Variants in OBSL1 observed in about 807,000 individuals in gnomAD.
OBSL1 encodes the protein obscurin-like protein 1.
Under a neutral mutation model 172.0 loss-of-function variants are expected in OBSL1, and 160 were observed. The ratio of observed to expected loss-of-function variants is 0.93; its 90% CI spans 0.82 to 1.06. OBSL1 has a LOEUF of 1.06. Ranked by LOEUF, OBSL1 falls within the 50% of genes least tolerant of loss-of-function variation. The probability of loss-of-function intolerance (pLI) is 0.00; values close to 1 mark genes in which losing one functional copy is unlikely to be tolerated. For synonymous variants in OBSL1, 1,200 were observed against 1,196.3 expected (o/e 1.00, Z -0.06); for missense variants, 2,681 against 2,715.4 (o/e 0.99, Z 0.28).
chr2:219,571,166 C>A lies in OBSL1; in HGVS notation c.67G>T (p.Val23Leu). Residue 23 changes from valine to leucine, a missense_variant, in exon 1 of 21, where the codon GTG becomes TTG. This residue lies in a region of OBSL1 where 90 missense variants were observed against 76.6 expected (regional missense o/e 1.18). Transcript: ENST00000404537. ...CFLRFPRPVR[V>L]VSGAEAELKC... ...AGCTCGGCCTCGGCGCCACTTACCA[C>A]CCGCACAGGCCGCGGGAAGCGCAGG... 6.7e-7 allele frequency: 1 copy of A among 1,484,638 alleles called. No individual in the cohort carries two copies. 92.0% of individuals were successfully genotyped at this position (1,484,638 alleles called of 1,614,324 possible).
intron 5 of OBSL1, 126 bp downstream of exon 5, chr2:219,566,704 C>T: frequency 9.2e-7 from 1 of 1,086,128 alleles, no homozygotes; most frequent in Non-Finnish European, 1.3e-6. Flanking sequence ...AACCTCAGCC[C>T]ATCATGGATG....
intron 8 of OBSL1, chr2:219,562,134 C>T (rs908630462): frequency 1.0e-5 from 7 of 671,338 alleles, no homozygotes; most frequent in Admixed American, 2.1e-5. Context: ...ACCGTATTTG[C>T]ATTACTCACC....
chr2:219,548,102 G>C, downstream of OBSL1: 1 of 1,505,918 alleles, frequency 6.6e-7, no homozygotes. Context: ...ACAGGCCAAG[G>C]TGGACATGAG....
In OBSL1 at chr2:219,565,455, C is replaced by T. The variant is rs1696813260; in HGVS notation, c.2194G>A (p.Glu732Lys). The change falls in exon 6 of 21, where the codon GAG becomes AAG. Residue 732 changes from glutamate to lysine, a missense_variant. Coordinates refer to ENST00000404537, the MANE Select transcript of OBSL1 (RefSeq NM_015311.3). ...DRVSLTFTTS[E>K]RVVLTCELSR... Reference sequence around the variant, plus strand: ...AGCTCACAAGTCAGCACCACCCGCTCTGAGGTTGTGAAGGTCAACGACACC... The same window carrying T: ...AGCTCACAAGTCAGCACCACCCGCTTTGAGGTTGTGAAGGTCAACGACACC... 2 of 1,613,364 alleles carry T rather than the reference C, an allele frequency of 1.2e-6. No individual in the cohort carries two copies. Among genetic ancestry groups the T allele is most frequent in the Middle Eastern group, 1.6e-4 (1 of 6,062 alleles).
chr2:219,558,570 G>A, intron 9 of OBSL1, 111 bp from the exon 10 acceptor site: 1 of 1,247,782 alleles, frequency 8.0e-7, no homozygotes, highest in Non-Finnish European at 1.1e-6. Flanking sequence ...TGAGAACAGT[G>A]CCAGCTGCAG....
intron 15 of OBSL1, 146 bp downstream of exon 15, chr2:219,554,328 A>C: frequency 2.0e-6 from 2 of 1,002,336 alleles, no homozygotes; most frequent in Non-Finnish European, 3.0e-6. Flanking sequence ...AGTCAGGGGG[A>C]TCACACTCTG....
rs956219895 is a variant in OBSL1, at chr2:219,562,646, G to A, written c.2709C>T (p.Ser903=). 34 of 1,567,186 alleles carry A rather than the reference G, an allele frequency of 2.2e-5. No homozygotes were observed. The East Asian group carries it at 6.2e-4, about 29-fold the overall frequency. Residue 903 remains serine, a synonymous_variant, in exon 8 of 21, where the codon AGC becomes AGT. Transcript: ENST00000404537. The stretch of plus-strand genomic sequence containing the variant: ...GCACGGCTGCCACATACACCTTGCC[G>A]CTGGGATACACGATCCACGAGGAGA... The part of the protein sequence containing the change: ...TDVSSWIVYP[S]GKVYVAAVRL...
Position 219,556,113 on chromosome 2 carries a change from G to A in OBSL1, c.4516C>T (p.Arg1506Cys), listed in dbSNP as rs1242548780. The A allele has an allele frequency of 8.1e-6, 13 of 1,613,914 alleles. No individual in the cohort carries two copies. In the Middle Eastern group the frequency reaches 4.9e-4, roughly 61 times the overall value. ...AGTATGACACCATGGATGAAGAGGCGGTGGATGTGCCCATCCTGGGCCATG... is the reference window on the plus strand; with the variant it reads ...AGTATGACACCATGGATGAAGAGGCAGTGGATGTGCCCATCCTGGGCCATG... ...LSMAQDGHIH[R>C]LFIHGVILAD... The change falls in exon 14 of 21, where the codon CGC (arginine) becomes TGC (cysteine). Residue 1506 changes from arginine (R) to cysteine (C), a missense_variant. Coordinates refer to ENST00000404537, the MANE Select transcript of OBSL1 (RefSeq NM_015311.3).
Position 219,551,740 on chromosome 2 carries a change from G to A in OBSL1, c.5472C>T (p.Arg1824=), listed in dbSNP as rs1423770338. 1.2e-6 allele frequency: 2 copies of A among 1,601,958 alleles called. No individual in the cohort carries two copies. Among genetic ancestry groups the A allele is most frequent in the Non-Finnish European group, 1.7e-6 (2 of 1,172,896 alleles). The change falls in exon 20 of 21, where the codon CGC becomes CGT. Residue 1824 remains arginine (R), a synonymous_variant. Coordinates refer to ENST00000404537, the MANE Select transcript of OBSL1 (RefSeq NM_015311.3). Reference sequence around the variant, plus strand: ...ACACAGTCACCTCCAGCACCGCCCGGCGGCCCACCAGAACGGTCTTCTCGC... The same window carrying A: ...ACACAGTCACCTCCAGCACCGCCCGACGGCCCACCAGAACGGTCTTCTCGC... ...PPREKTVLVG[R]RAVLEVTVSR...
rs1189758749 is a variant in OBSL1, at chr2:219,552,907, C to T, written c.5107G>A (p.Gly1703Arg). 11 of 1,540,382 alleles carry T rather than the reference C, an allele frequency of 7.1e-6. No homozygotes were observed. The highest frequency in any genetic ancestry group is 1.2e-5 in the South Asian group (1 of 83,796). Residue 1703 changes from glycine to arginine, a missense_variant, in exon 17 of 21, where the codon GGG becomes AGG. By Grantham distance (125) the Gly-to-Arg change is moderately radical. Coordinates refer to ENST00000404537, the MANE Select transcript of OBSL1 (RefSeq NM_015311.3). Reference protein sequence around the residue: ...SDAGTYSCAVGTARAGPVRLT... With the variant: ...SDAGTYSCAVRTARAGPVRLT... ...CGGACCGGTCCGGCGCGGGCCGTCC[C>T]CACCGCGCAGCTGTAGGTCCCGGCG... is the stretch of plus-strand genomic sequence containing the variant.
chr2:219,554,298 G>T, intron 15 of OBSL1, 176 bp downstream of exon 15: 1 of 759,340 alleles, frequency 1.3e-6, no homozygotes. Flanking sequence ...AGAGGACTCT[G>T]GGGCCACACA....
At chr2:219,549,236 G>A, downstream of OBSL1, 1 of 1,613,990 alleles carries the variant, frequency 6.2e-7, no homozygotes, top group East Asian at 2.2e-5. Flanking sequence ...CGGAAAAAGA[G>A]ACCTCCTCGG....
Position 219,557,414 on chromosome 2 carries a change from C to T in OBSL1, c.3995G>A (p.Arg1332Gln), listed in dbSNP as rs1402861976. The stretch of plus-strand genomic sequence containing the variant: ...CAGGTACTCCCCAGCGTCCCCGCTC[C>T]GTGCCCCCTGCACCCGCAGCACCTG... Reference protein sequence around the residue: ...ARQVLRVQGARSGDAGEYLCD... With the variant: ...ARQVLRVQGAQSGDAGEYLCD... The change falls in exon 12 of 21, where the codon CGG becomes CAG. Residue 1332 changes from arginine to glutamine, a missense_variant. Physicochemically the swap from Arg to Gln is conservative, Grantham distance 43. Transcript: ENST00000404537. The T allele has an allele frequency of 2.0e-5, 31 of 1,548,266 alleles. No homozygotes were observed. The highest frequency in any genetic ancestry group is 4.9e-5 in the East Asian group (2 of 40,960).
At chr2:219,550,127 ATG>A (rs925369751), downstream of OBSL1, 58 of 407,876 alleles carry the variant, frequency 1.4e-4, no homozygotes, top group Non-Finnish European at 2.3e-4. Flanking sequence ...GTCTGTGTGT[ATG>A]TGTGTGGGGG....
chr2:219,552,767 C>T, intron 17 of OBSL1, 70 bp from the exon 18 acceptor site: 1 of 1,514,958 alleles, frequency 6.6e-7, no homozygotes, highest in Non-Finnish European at 8.9e-7. Flanking sequence ...CCTCCACGCC[C>T]CCTTTCTAGA....
In OBSL1 at chr2:219,551,691, A is replaced by G; in HGVS notation, c.5521T>C (p.Trp1841Arg). The change falls in exon 20 of 21, where the codon TGG becomes CGG. Residue 1841 changes from tryptophan (W) to arginine (R), a missense_variant. Transcript: ENST00000404537. ...CACAGCTCGGCCCCCTCCCGCAGCC[A>G]GCACACGTGGCCCCCCGAGCGGGAC... Reference protein sequence around the residue: ...TVSRSGGHVCWLREGAELCPG... With the variant: ...TVSRSGGHVCRLREGAELCPG... 2 of 1,611,300 alleles carry G rather than the reference A, an allele frequency of 1.2e-6. No individual in the cohort carries two copies. Among genetic ancestry groups the G allele is most frequent in the Non-Finnish European group, 1.7e-6 (2 of 1,179,318 alleles).
intron 15 of OBSL1, chr2:219,554,259 C>CCTT (rs1215008523): frequency 3.3e-6 from 2 of 613,762 alleles, no homozygotes; most frequent in Non-Finnish European, 5.7e-6. Flanking sequence ...GTTGGCTGAG[C>CCTT]CTTGGGCAGT....
At chr2:219,552,384 C>CT in intron 18 of OBSL1, 152 bp downstream of exon 18, 1 of 837,780 alleles carries the variant, frequency 1.2e-6, no homozygotes, top group Non-Finnish European at 1.8e-6. Flanking sequence ...GGACTAGGGG[C>CT]TGGGGGCGGG....
In OBSL1 at chr2:219,567,749, G is replaced by A; in HGVS notation, c.1503C>T (p.Asn501=). The change falls in exon 3 of 21, where the codon AAC becomes AAT. Residue 501 remains asparagine (N), a synonymous_variant. Coordinates refer to ENST00000404537, the MANE Select transcript of OBSL1 (RefSeq NM_015311.3). ...DAGEVTFSLG[N]SRTTTLLRVK... is the part of the protein sequence containing the mutation. ...CTCTGAGAAGCGTAGTGGTACGGGA[G>A]TTGCCCAGGCTAAAGGTGACCTCGC... 3 of 1,613,326 alleles carry A rather than the reference G, an allele frequency of 1.9e-6. No homozygotes were observed. The highest frequency in any genetic ancestry group is 2.5e-6 in the Non-Finnish European group (3 of 1,179,346).
Sources: gnomAD v4.1 joint callset for allele counts on GRCh38, gnomAD v4.1.1 for gene constraint, gnomAD v4.1.1 regional missense constraint, MANE v1.5 for transcripts, NCBI Gene and HGNC (gene_info 2026-07-23, HGNC 2026-07-21) for gene names.